Variants in DMXL2 observed in about 807,000 individuals in gnomAD.
DMXL2 encodes the protein dmX-like protein 2.
DMXL2 carries 103 observed loss-of-function variants against 331.1 expected under a neutral mutation model. That is an observed-to-expected ratio of 0.31 (90% CI 0.27 to 0.37). DMXL2 has a LOEUF of 0.37. Ranked by LOEUF, DMXL2 falls within the 10% of genes least tolerant of loss-of-function variation. DMXL2 has a pLI of 1.00. For synonymous variants in DMXL2, 1,281 were observed against 1,252.1 expected, an observed-to-expected ratio of 1.02 and a Z score of -0.49; for missense variants, 3,171 against 3,642.9, an observed-to-expected ratio of 0.87 and a Z score of 3.33.
chr15:51,608,430 G>A (rs191470616), intron 1 of DMXL2, among the ~76,000 whole-genome samples: 1 of 152,178 alleles, frequency 6.6e-6, no homozygotes, highest in African/African-American at 2.4e-5. Context: ...AAAAAAATGA[G>A]ATCATGTCCT....
chr15:51,558,522 C>A (rs1390718768), intron 6 of DMXL2, among the ~76,000 whole-genome samples: 1 of 152,168 alleles, frequency 6.6e-6, no homozygotes, highest in Non-Finnish European at 1.5e-5. Flanking sequence ...ACAGTTACTG[C>A]ATATTTCAAA....
chr15:51,516,271 T>C (rs1040519031), intron 14 of DMXL2, among the ~76,000 whole-genome samples: 2 of 152,134 alleles, frequency 1.3e-5, no homozygotes. Flanking sequence ...CTAAAATGGG[T>C]TTTACATCTC....
chr15:51,474,376 A>G lies in DMXL2; in HGVS notation c.7181T>C (p.Val2394Ala). Reference protein sequence around the residue: ...AVFGGGVKLVVKPRRQSENIS... With the variant: ...AVFGGGVKLVAKPRRQSENIS... ...ATTTTCTGATTGTCTTCGAGGTTTC[A>G]CAACAAGTTTTACACCGCCTCCAAA... The change falls in exon 28 of 44, where the codon GTG becomes GCG. Residue 2394 changes from valine (V) to alanine (A), a missense_variant. Coordinates refer to ENST00000560891, the MANE Select transcript of DMXL2 (RefSeq NM_001378457.1). The G allele has an allele frequency of 6.2e-7, 1 of 1,611,008 alleles. No individual in the cohort carries two copies. Among genetic ancestry groups the G allele is most frequent in the Non-Finnish European group, 8.5e-7 (1 of 1,177,326 alleles).
chr15:51,503,442 G>T (rs1453903931), intron 16 of DMXL2, among the ~76,000 whole-genome samples: 3 of 152,122 alleles, frequency 2.0e-5, no homozygotes, highest in Admixed American at 2.0e-4. Flanking sequence ...GAAATTGCAG[G>T]TCAGTATGTT....
chr15:51,526,611 A>G (rs1297976365), intron 13 of DMXL2, among the ~76,000 whole-genome samples: 2 of 152,252 alleles, frequency 1.3e-5, no homozygotes, highest in African/African-American at 4.8e-5. Flanking sequence ...CAGACAGAGA[A>G]TTCAAAATAG....
At chr15:51,606,551 G>C (rs1000516325) in intron 1 of DMXL2, among the ~76,000 whole-genome samples, 5 of 152,172 alleles carry the variant, frequency 3.3e-5, no homozygotes, top group Non-Finnish European at 4.4e-5. Context: ...AAAATTTCAA[G>C]CCTTGCGCTT....
Position 51,480,672 on chromosome 15 carries a change from T to C in DMXL2, c.6434A>G (p.Lys2145Arg). The change falls in exon 24 of 44, where the codon AAG (lysine) becomes AGG (arginine). Residue 2145 changes from lysine to arginine, a missense_variant. Lys to Arg is a conservative substitution (Grantham distance 26, BLOSUM62 2). Coordinates refer to ENST00000560891, the MANE Select transcript of DMXL2 (RefSeq NM_001378457.1). Reference sequence around the variant, plus strand: ...ATCTTGGTTTTTCTGCAACCACGACTTTCGTCTTTCTGCATGCTCTCGTTT... The same window carrying C: ...ATCTTGGTTTTTCTGCAACCACGACCTTCGTCTTTCTGCATGCTCTCGTTT... The part of the protein sequence containing the change: ...QAKREHAERR[K>R]SWLQKNQDLL... 1 of 1,612,824 alleles carries C rather than the reference T, an allele frequency of 6.2e-7. No individual in the cohort carries two copies. The highest frequency in any genetic ancestry group is 8.5e-7 in the Non-Finnish European group (1 of 1,178,984).
At position 51,449,134 on chromosome 15, in the gene DMXL2, C is replaced by G. The variant is rs1424424329; in HGVS notation, c.9027G>C (p.Gln3009His). 6.2e-6 allele frequency: 10 copies of G among 1,614,190 alleles called. No homozygotes were observed. In the Admixed American group the frequency reaches 1.0e-4, roughly 16 times the overall value. ...CAGCCCCAATGTTTCGAAATATGGACTGCTTAGCATGTTCACTTTTAAATG... is the reference window on the plus strand; with the variant it reads ...CAGCCCCAATGTTTCGAAATATGGAGTGCTTAGCATGTTCACTTTTAAATG... Reference protein sequence around the residue: ...IHSFKSEHAKQSIFRNIGAGV... With the variant: ...IHSFKSEHAKHSIFRNIGAGV... Residue 3009 changes from glutamine to histidine, a missense_variant, in exon 44 of 44, where the codon CAG becomes CAC. This residue lies in a region of DMXL2 where 766 missense variants were observed against 940.5 expected (regional missense o/e 0.81). Coordinates refer to ENST00000560891, the MANE Select transcript of DMXL2 (RefSeq NM_001378457.1).
At chr15:51,536,113 C>T in intron 12 of DMXL2, 53 bp downstream of exon 12, 1 of 1,412,186 alleles carries the variant, frequency 7.1e-7, no homozygotes, top group Non-Finnish European at 9.5e-7. Context: ...TCGTATATAA[C>T]AAATAATAGT....
In DMXL2 at chr15:51,547,338, T is replaced by C. The variant is rs776486324; in HGVS notation, c.638A>G (p.His213Arg). 1.9e-6 allele frequency: 3 copies of C among 1,612,784 alleles called. No homozygotes were observed. Among genetic ancestry groups the C allele is most frequent in the South Asian group, 2.2e-5 (2 of 90,978 alleles). Residue 213 changes from histidine to arginine, a missense_variant, in exon 7 of 44, where the codon CAT becomes CGT. Coordinates refer to ENST00000560891, the MANE Select transcript of DMXL2 (RefSeq NM_001378457.1). ...AGAGGACTGTCTCCTTTTTACTTCA[T>C]GATGATCCTGAGGTATAATTGAAGA... The part of the protein sequence containing the change: ...WKSSIIPQDH[H>R]EVKRRQSSTQ...
intron 33 of DMXL2, chr15:51,459,937 CTAAGTTACA>C: frequency 1.0e-6 from 1 of 983,768 alleles, no homozygotes; most frequent in Non-Finnish European, 1.2e-6. Context: ...TTTAAGAAAT[CTAAGTTACA>C]TAACTGGTAA....
intron 1 of DMXL2, among the ~76,000 whole-genome samples, chr15:51,585,606 G>C (rs970562213): frequency 6.6e-6 from 1 of 152,046 alleles, no homozygotes; most frequent in Non-Finnish European, 1.5e-5. Context: ...TGCTGGATCA[G>C]TGATTAAAAT....
At chr15:51,619,559 C>T (rs1264927226) in intron 1 of DMXL2, among the ~76,000 whole-genome samples, 4 of 152,114 alleles carry the variant, frequency 2.6e-5, no homozygotes, top group African/African-American at 7.2e-5. Flanking sequence ...CACAGCCAAC[C>T]AATCACGCCA....
rs76083137 is a variant in DMXL2 at position 51,620,338 on chromosome 15, T to C, written c.87+2121A>G. Among the ~76,000 whole-genome samples the C allele has an allele frequency of 6.9e-3, 1,046 of 152,316 alleles. 17 individuals carry two copies. Among genetic ancestry groups the C allele is most frequent in the East Asian group, 0.024 (123 of 5,188 alleles). On this transcript the variant is annotated intron_variant, in intron 1 of 43. Transcript: ENST00000560891. ...TTGTCAAAAGACCAAAATAACAGTG[T>C]CACAGGCAGGCATCCTAAACCACGT...
At chr15:51,615,309 G>C (rs1432191401) in intron 1 of DMXL2, among the ~76,000 whole-genome samples, 1 of 152,164 alleles carries the variant, frequency 6.6e-6, no homozygotes, top group Admixed American at 6.5e-5. Flanking sequence ...TGTTTCAATA[G>C]AGCAGAAAAA....
intron 6 of DMXL2, 86 bp from the exon 7 acceptor site, chr15:51,547,494 G>C: frequency 2.1e-6 from 2 of 945,600 alleles, no homozygotes; most frequent in South Asian, 2.4e-5. Flanking sequence ...TAAAAATTAA[G>C]TTACATCTAA....
chr15:51,472,754 T>C (rs1275630530), intron 28 of DMXL2, among the ~76,000 whole-genome samples: 1 of 152,232 alleles, frequency 6.6e-6, no homozygotes, highest in Non-Finnish European at 1.5e-5. Context: ...CCACACTTTG[T>C]TGATCCTTTC....
chr15:51,478,559 T>G (rs539458539), intron 25 of DMXL2, among the ~76,000 whole-genome samples: 1 of 152,256 alleles, frequency 6.6e-6, no homozygotes, highest in East Asian at 1.9e-4. Flanking sequence ...TCAGACACAT[T>G]TTAATCAAAC....
intron 6 of DMXL2, among the ~76,000 whole-genome samples, chr15:51,555,697 T>C (rs961298940): frequency 6.6e-6 from 1 of 152,066 alleles, no homozygotes; most frequent in Non-Finnish European, 1.5e-5. Flanking sequence ...ATTATAGATA[T>C]TAAAAGATAA....
Sources: allele counts gnomAD v4.1 joint callset (sites outside exome capture counted in the v4.1 genomes callset), GRCh38; gene constraint gnomAD v4.1.1; regional missense constraint gnomAD v4.1.1; transcripts MANE v1.5; gene names NCBI Gene and HGNC (gene_info 2026-07-23, HGNC 2026-07-21).